The following KDR variants were observed in gnomAD, a reference collection of about 807,000 sequenced individuals.
KDR encodes the protein vascular endothelial growth factor receptor 2.
In KDR, 43 loss-of-function variants were observed where a neutral mutation model predicts 160.9. The ratio of observed to expected loss-of-function variants is 0.27; its 90% CI spans 0.21 to 0.34. The LOEUF is 0.34. Ranked by LOEUF, KDR falls within the 10% of genes least tolerant of loss-of-function variation. The probability of loss-of-function intolerance (pLI) is 1.00; values close to 1 mark genes in which losing one functional copy is unlikely to be tolerated. For synonymous variants in KDR, 617 were observed against 600.1 expected (o/e 1.03, Z -0.41); for missense variants, 1,469 against 1,666.4 (o/e 0.88, Z 2.06).
At chr4:55,098,087 G>C (rs1720206338) in intron 17 of KDR, 50 bp downstream of exon 17, 2 of 1,605,870 alleles carry the variant, frequency 1.2e-6, no homozygotes, top group Non-Finnish European at 1.7e-6. Context: ...AATGGAGGAA[G>C]AGATGGCCTG....
In KDR at chr4:55,118,744, C is replaced by A; in HGVS notation, c.218G>T (p.Arg73Met). ...ATCGCTGCACTCAGTCACCTCCACC[C>A]TTTGCTCACTGCCACTCTGATTATT... Reference protein sequence around the residue: ...WPNNQSGSEQRVEVTECSDGL... With the variant: ...WPNNQSGSEQMVEVTECSDGL... The change falls in exon 3 of 30, where the codon AGG becomes ATG. Residue 73 changes from arginine to methionine, a missense_variant. Physicochemically the swap from Arg to Met is moderately conservative, Grantham distance 91 (BLOSUM62 -1). Around this residue, in one of 7 missense-constraint regions of KDR, gnomAD observed 792 missense variants for 840.9 expected, o/e 0.94. Coordinates refer to ENST00000263923, the MANE Select transcript of KDR (RefSeq NM_002253.4). 1 of 1,614,190 alleles carries A rather than the reference C, an allele frequency of 6.2e-7. No individual in the cohort carries two copies. Among genetic ancestry groups the A allele is most frequent in the Non-Finnish European group, 8.5e-7 (1 of 1,180,024 alleles).
chr4:55,089,802 C>T lies in KDR; in HGVS notation c.3193G>A (p.Ala1065Thr), dbSNP rs56302315. ...GCCATCCATTTCAAAGGGAGGCGAG[C>T]CTACAGGGGTAGAAGACAAGGATTC... ...KDPDYVRKGD[A>T]RLPLKWMAPE... The change falls in exon 24 of 30, where the codon GCT (alanine) becomes ACT (threonine). Residue 1065 changes from alanine (A) to threonine (T), a missense_variant and splice_region_variant. This residue lies in a region of KDR where 132 missense variants were observed against 195.9 expected (regional missense o/e 0.67). Coordinates refer to ENST00000263923, the MANE Select transcript of KDR (RefSeq NM_002253.4). The T allele has an allele frequency of 3.5e-4, 557 of 1,613,440 alleles. 2 individuals are homozygous for T. The highest frequency in any genetic ancestry group is 1.7e-4 in the Non-Finnish European group (205 of 1,179,560).
chr4:55,106,684 C>T lies in KDR; in HGVS notation c.1536+3G>A. 6.4e-7 allele frequency: 1 copy of T among 1,550,886 alleles called. No homozygotes were observed. Among genetic ancestry groups the T allele is most frequent in the Non-Finnish European group, 8.9e-7 (1 of 1,122,972 alleles). ...TTTTCAAATTTTAAAACTTCAAACT[C>T]ACTTTGTTTTTTCCTTCAATTAGAG... On this transcript the variant is annotated splice_donor_region_variant and intron_variant, in intron 11 of 29. Coordinates refer to ENST00000263923, the MANE Select transcript of KDR (RefSeq NM_002253.4).
intron 1 of KDR, 25 bp from the exon 2 acceptor site, chr4:55,121,215 T>A: frequency 6.4e-7 from 1 of 1,560,050 alleles, no homozygotes; most frequent in Non-Finnish European, 8.8e-7. Context: ...AATAAATGAA[T>A]GTAGTTGCCA....
chr4:55,118,537 CTTT>C, intron 3 of KDR, 64 bp downstream of exon 3: 1 of 1,269,740 alleles, frequency 7.9e-7, no homozygotes. Context: ...CTCAATTCTT[CTTT>C]GAGCCTATTG....
At chr4:55,124,280 A>AT (rs1720972916) in intron 1 of KDR, among the ~76,000 whole-genome samples, 1 of 151,960 alleles carries the variant, frequency 6.6e-6, no homozygotes, top group African/African-American at 2.4e-5. Flanking sequence ...GGAAATCTGG[A>AT]TATCAGCAAA....
Position 55,088,956 on chromosome 4 carries a change from T to G in KDR, c.3422A>C (p.Asp1141Ala). ...TTPEMYQTML[D>A]CWHGEPSQRP... ...CTGACTGGGCTCCCCGTGCCAGCAG[T>G]CCAGCATGGTCTGGTACCTAGAGAA... is the stretch of plus-strand genomic sequence containing the variant. The change falls in exon 26 of 30, where the codon GAC (aspartate) becomes GCC (alanine). Residue 1141 changes from aspartate to alanine, a missense_variant. This residue lies in a region of KDR where 132 missense variants were observed against 195.9 expected (regional missense o/e 0.67). Transcript: ENST00000263923. 1 of 1,613,486 alleles carries G rather than the reference T, an allele frequency of 6.2e-7. No homozygotes were observed.
At chr4:55,095,193 A>C (rs900877881) in intron 20 of KDR, among the ~76,000 whole-genome samples, 5 of 152,166 alleles carry the variant, frequency 3.3e-5, no homozygotes, top group African/African-American at 9.7e-5. Context: ...GACAAATGCC[A>C]CATTTTGAGT....
chr4:55,098,597 A>C, intron 16 of KDR, 100 bp downstream of exon 16: 6 of 900,866 alleles, frequency 6.7e-6, no homozygotes, highest in Non-Finnish European at 1.1e-5. Flanking sequence ...GTGCCCATTG[A>C]GCCAATAACA....
intron 29 of KDR, among the ~76,000 whole-genome samples, 190 bp from the exon 30 acceptor site, chr4:55,080,353 T>C (rs1420145611): frequency 1.3e-5 from 2 of 152,200 alleles, no homozygotes; most frequent in Non-Finnish European, 2.9e-5. Flanking sequence ...TCGCATGAAT[T>C]AGTAGTTGCA....
In KDR at chr4:55,102,478, A is replaced by G. The variant is rs1720339955; in HGVS notation, c.2018T>C (p.Leu673Pro). 6 of 1,613,802 alleles carry G rather than the reference A, an allele frequency of 3.7e-6. No individual in the cohort carries two copies. The highest frequency in any genetic ancestry group is 5.1e-6 in the Non-Finnish European group (6 of 1,179,766). ...CCCAATACTTGTCGTCTGATTCTCC[A>G]GGTTTCCTGTGATCGTGGGTGCCAC... ...ERVAPTITGN[L>P]ENQTTSIGES... The change falls in exon 14 of 30, where the codon CTG becomes CCG. Residue 673 changes from leucine (L) to proline (P), a missense_variant. By Grantham distance (98) the Leu-to-Pro change is moderately conservative. Transcript: ENST00000263923.
At chr4:55,082,140 A>G (rs778599203) in intron 28 of KDR, 99 bp from the exon 29 acceptor site, 10 of 901,058 alleles carry the variant, frequency 1.1e-5, no homozygotes, top group Non-Finnish European at 1.7e-5. Context: ...ATGTCTATCA[A>G]ATAAGGTCCT....
chr4:55,110,329 C>T (rs955447900), intron 9 of KDR, 74 bp downstream of exon 9: 54 of 1,472,888 alleles, frequency 3.7e-5, no homozygotes, highest in African/African-American at 3.5e-4. Context: ...GGCAGAGGAA[C>T]GGTGGTTTGG....
chr4:55,098,215 G>A lies in KDR; in HGVS notation c.2431C>T (p.Leu811Phe), dbSNP rs764372658. ...YLSIVMDPDE[L>F]PLDEHCERLP... The stretch of plus-strand genomic sequence containing the variant: ...CGTTCACAATGTTCATCCAATGGGA[G>A]TTCATCTGGATCCATGACGATGGAC... The change falls in exon 17 of 30, where the codon CTC becomes TTC. Residue 811 changes from leucine (L) to phenylalanine (F), a missense_variant. By Grantham distance (22) the Leu-to-Phe change is conservative (BLOSUM62 0). Coordinates refer to ENST00000263923, the MANE Select transcript of KDR (RefSeq NM_002253.4). The A allele has an allele frequency of 1.9e-6, 3 of 1,613,770 alleles. No homozygotes were observed. The highest frequency in any genetic ancestry group is 1.7e-6 in the Non-Finnish European group (2 of 1,179,708).
At chr4:55,113,991 G>C in intron 6 of KDR, 135 bp downstream of exon 6, 1 of 845,962 alleles carries the variant, frequency 1.2e-6, no homozygotes. Context: ...ATGTGTGTGT[G>C]AGTGGGTGTG....
chr4:55,079,699 T>C lies in KDR; in HGVS notation c.*242A>G. ...GCAGCAGGGGGCATGATAAATGCTT[T>C]TTAAATGAATGAAAAAGAGGATCAG... On this transcript the variant is annotated 3_prime_UTR_variant, in exon 30 of 30. Coordinates refer to ENST00000263923, the MANE Select transcript of KDR (RefSeq NM_002253.4). 3.5e-6 allele frequency: 2 copies of C among 571,338 alleles called. No individual in the cohort carries two copies. The highest frequency in any genetic ancestry group is 6.2e-6 in the Non-Finnish European group (2 of 320,158). 35.4% of individuals were successfully genotyped at this position (571,338 alleles called of 1,614,324 possible).
intron 15 of KDR, among the ~76,000 whole-genome samples, 175 bp from the exon 16 acceptor site, chr4:55,098,978 A>AT (rs1480560144): frequency 1.2e-4 from 18 of 145,122 alleles, no homozygotes; most frequent in Middle Eastern, 3.5e-3. Context: ...CTTTTTTTGA[A>AT]TTTAATTTAT....
intron 9 of KDR, 27 bp from the exon 10 acceptor site, chr4:55,107,920 A>T: frequency 7.4e-6 from 12 of 1,612,970 alleles, no homozygotes; most frequent in Non-Finnish European, 1.0e-5. Context: ...CAACTTTTGA[A>T]TTGTCAGTCA....
rs148237164 is a variant in KDR, at chr4:55,115,989, T to C, written c.359-578A>G. On this transcript the variant is annotated intron_variant, in intron 3 of 29. Transcript: ENST00000263923. Reference sequence around the variant, plus strand: ...ACCATTCATGTGAGCATTTTAAGATTCTGAAGACTAGGGATATGATTCTTT... The same window carrying C: ...ACCATTCATGTGAGCATTTTAAGATCCTGAAGACTAGGGATATGATTCTTT... Among the ~76,000 whole-genome samples, 930 of 152,352 alleles carry C rather than the reference T, an allele frequency of 6.1e-3. 2 individuals are homozygous for C. The highest frequency in any genetic ancestry group is 9.6e-3 in the Non-Finnish European group (654 of 68,028).
Sources: gnomAD v4.1 joint callset for allele counts (sites outside exome capture counted in the v4.1 genomes callset) on GRCh38, gnomAD v4.1.1 for gene constraint, gnomAD v4.1.1 regional missense constraint, MANE v1.5 for transcripts, NCBI Gene and HGNC (gene_info 2026-07-23, HGNC 2026-07-21) for gene names.